The following KCNQ1 variants were observed in gnomAD, a reference collection of about 807,000 sequenced individuals.
KCNQ1 encodes the protein potassium voltage-gated channel subfamily Q member 1, also known as potassium voltage-gated channel subfamily KQT member 1.
In KCNQ1, 49 loss-of-function variants were observed where a neutral mutation model predicts 72.4. That is an observed-to-expected ratio of 0.68 (90% CI 0.54 to 0.86). The LOEUF (loss-of-function observed/expected upper bound fraction) is 0.86, where lower values mean the gene tolerates loss of function less well. Among genes scored for constraint, KCNQ1 ranks in the 40% least tolerant of loss-of-function variants. KCNQ1 has a pLI of 0.00. For missense variants in KCNQ1, 790 were observed against 945.1 expected, an observed-to-expected ratio of 0.84 and a Z score of 2.15; for synonymous variants, 450 against 412.6, an observed-to-expected ratio of 1.09 and a Z score of -1.10.
chr11:2,817,779 C>T lies in KCNQ1; in HGVS notation c.1795-29988C>T, dbSNP rs1847648450. Among the ~76,000 whole-genome samples, 1 of 152,106 alleles carries T rather than the reference C, an allele frequency of 6.6e-6. No individual in the cohort carries two copies. Among genetic ancestry groups the T allele is most frequent in the Non-Finnish European group, 1.5e-5 (1 of 68,018 alleles). On this transcript the variant is annotated intron_variant, in intron 15 of 15. Transcript: ENST00000155840. The surrounding 1 kb of genome is among the most constrained non-coding windows in gnomAD (Gnocchi z 6.1). ...AGGTGATACATTAGACTCAAAGAGA[C>T]ATGATATCCCCTTGGGCTGCAACTT... is the stretch of plus-strand genomic sequence containing the variant.
At chr11:2,615,055 C>T (rs926442928) in intron 10 of KCNQ1, 1 of 398,074 alleles carries the variant, frequency 2.5e-6, no homozygotes, top group Non-Finnish European at 4.4e-6. Flanking sequence ...TTATTTAAGT[C>T]TTCTTTAATT....
At chr11:2,702,544 A>ATT (rs1564864401) in intron 11 of KCNQ1, among the ~76,000 whole-genome samples, 2 of 152,308 alleles carry the variant, frequency 1.3e-5, no homozygotes, top group African/African-American at 4.8e-5. Context: ...ACACTTAACA[A>ATT]AACTGTGGGT....
At chr11:2,553,425 C>G (rs1276351022) in intron 2 of KCNQ1, among the ~76,000 whole-genome samples, 1 of 151,956 alleles carries the variant, frequency 6.6e-6, no homozygotes, top group Non-Finnish European at 1.5e-5. Flanking sequence ...CTTATCAGGC[C>G]AAGAAGTTCC....
intron 15 of KCNQ1, among the ~76,000 whole-genome samples, chr11:2,797,161 G>A (rs553220396): frequency 3.7e-5 from 5 of 135,928 alleles, no homozygotes; most frequent in African/African-American, 8.6e-5. Flanking sequence ...GGGCAGACCT[G>A]GGGGGGTGGC....
chr11:2,554,148 C>T (rs73404636), intron 2 of KCNQ1, among the ~76,000 whole-genome samples: 4,067 of 152,302 alleles, frequency 0.027, 199 homozygotes, highest in African/African-American at 0.091. Flanking sequence ...CATCAGATGC[C>T]GCTGGCATCA....
intron 6 of KCNQ1, among the ~76,000 whole-genome samples, chr11:2,573,342 C>T (rs1041348996): frequency 6.6e-6 from 1 of 152,178 alleles, no homozygotes; most frequent in African/African-American, 2.4e-5. Flanking sequence ...CTGCCTCCAC[C>T]GTGGCCCTCA....
chr11:2,556,281 A>G (rs1020461314), intron 2 of KCNQ1, among the ~76,000 whole-genome samples: 11 of 152,116 alleles, frequency 7.2e-5, no homozygotes, highest in Non-Finnish European at 1.2e-4. Flanking sequence ...CAGCAACCCT[A>G]TTTCCAAACA....
Position 2,678,160 on chromosome 11 carries a change from T to C in KCNQ1, c.1514+16079T>C, listed in dbSNP as rs1850325951. On this transcript the variant is annotated intron_variant, in intron 11 of 15. Transcript: ENST00000155840. This position sits in a 1 kb window ranked among gnomAD's most constrained non-coding sequence, Gnocchi z 4.9. ...ATTTTCCTTAGGTGTTTTGGCTTTT[T>C]CTATAATATTTTTCTGGTGGCAGAA... is the stretch of plus-strand genomic sequence containing the variant. 5.0e-6 allele frequency: 2 copies of C among 398,282 alleles called. No individual in the cohort carries two copies. The highest frequency in any genetic ancestry group is 2.5e-4 in the South Asian group (2 of 7,866). 24.7% of individuals were successfully genotyped at this position (398,282 alleles called of 1,614,324 possible). A position where few individuals can be genotyped will look rare whatever the true frequency, so the allele number is the denominator to read the frequency against.
At chr11:2,513,830 G>A (rs179422) in intron 1 of KCNQ1, among the ~76,000 whole-genome samples, 150,348 of 152,350 alleles carry the variant, frequency 0.99, 74,189 homozygotes, top group East Asian at 1. Context: ...GCCCCTTCCA[G>A]TGGGCTGGGA....
chr11:2,496,495 CTTTTTTTTTTTTTTT>C, intron 1 of KCNQ1, among the ~76,000 whole-genome samples: 4 of 29,846 alleles, frequency 1.3e-4, no homozygotes, highest in Non-Finnish European at 1.8e-4. Flanking sequence ...ACAACCCCTG[CTTTTTTTTTTTTTTT>C]TTTTTTTTTT....
intron 11 of KCNQ1, chr11:2,666,583 G>A (rs886799733): frequency 2.5e-6 from 1 of 398,664 alleles, no homozygotes. Flanking sequence ...GACAGGGCCA[G>A]TCTGTGCTGT....
At chr11:2,681,517 T>G (rs1195777949) in intron 11 of KCNQ1, 1 of 398,446 alleles carries the variant, frequency 2.5e-6, no homozygotes, top group Non-Finnish European at 4.4e-6. Flanking sequence ...TGGTCCAGGT[T>G]AAGCCAGCCC....
chr11:2,714,924 C>A (rs1346299754), intron 11 of KCNQ1, among the ~76,000 whole-genome samples: 2 of 151,842 alleles, frequency 1.3e-5, no homozygotes, highest in African/African-American at 4.8e-5. Context: ...GTCAGTGTTA[C>A]CTGGATACTC....
intron 5 of KCNQ1, 127 bp downstream of exon 5, chr11:2,572,236 G>T (rs938747774): frequency 5.8e-6 from 4 of 691,412 alleles, no homozygotes; most frequent in Middle Eastern, 3.9e-4. Flanking sequence ...TGGGCGCAGG[G>T]GTACCTGAAC....
intron 11 of KCNQ1, among the ~76,000 whole-genome samples, chr11:2,717,566 G>A (rs1000470361): frequency 6.6e-6 from 1 of 152,162 alleles, no homozygotes; most frequent in African/African-American, 2.4e-5. Context: ...ATGGGTGAGG[G>A]AGAGGAGCTC....
intron 11 of KCNQ1, chr11:2,686,520 C>T (rs1469208481): frequency 2.3e-5 from 9 of 398,562 alleles, no homozygotes; most frequent in South Asian, 1.3e-4. Flanking sequence ...ACTCCCGTCA[C>T]GGAAATGACA....
intron 2 of KCNQ1, among the ~76,000 whole-genome samples, chr11:2,548,975 A>AATCCTC (rs1847939743): frequency 1.3e-5 from 2 of 152,088 alleles, no homozygotes; most frequent in South Asian, 4.1e-4. Context: ...GTGACTGAAA[A>AATCCTC]ATCCTCACTT....
intron 11 of KCNQ1, chr11:2,686,368 T>C: frequency 2.5e-6 from 1 of 398,704 alleles, no homozygotes; most frequent in East Asian, 3.6e-5. Flanking sequence ...CACTTGGGCT[T>C]ATCAGCAGAG....
Position 2,478,326 on chromosome 11 carries a change from T to C in KCNQ1, c.386+32842T>C, listed in dbSNP as rs1846602375. On this transcript the variant is annotated intron_variant, in intron 1 of 15. Coordinates refer to ENST00000155840, the MANE Select transcript of KCNQ1 (RefSeq NM_000218.3). The surrounding 1 kb of genome is among the most constrained non-coding windows in gnomAD (Gnocchi z 4.0). Reference sequence around the variant, plus strand: ...GGGAGTCTATGATTCCACTATGTTATGTATTAGTCCATTTTCAAATTACTG... The same window carrying C: ...GGGAGTCTATGATTCCACTATGTTACGTATTAGTCCATTTTCAAATTACTG... Among the ~76,000 whole-genome samples the C allele has an allele frequency of 6.6e-6, 1 of 152,244 alleles. No homozygotes were observed. Among genetic ancestry groups the C allele is most frequent in the Non-Finnish European group, 1.5e-5 (1 of 68,040 alleles).
Sources: allele counts gnomAD v4.1 joint callset (sites outside exome capture counted in the v4.1 genomes callset), GRCh38; gene constraint gnomAD v4.1.1; non-coding constraint Gnocchi (gnomAD v3.1); transcripts MANE v1.5; gene names NCBI Gene and HGNC (gene_info 2026-07-23, HGNC 2026-07-21).